The following CD99L2 variants were observed in gnomAD, a reference collection of about 807,000 sequenced individuals.
The protein encoded by CD99L2 is CD99 antigen-like protein 2.
CD99L2 carries 24 observed loss-of-function variants against 27.3 expected under a neutral mutation model. That is an observed-to-expected ratio of 0.88 (90% CI 0.64 to 1.24). The LOEUF (loss-of-function observed/expected upper bound fraction) is 1.24. Ranked by LOEUF, CD99L2 falls within the 50% of genes most tolerant of loss-of-function variation. The probability of loss-of-function intolerance (pLI) is 0.00; values close to 1 mark genes in which losing one functional copy is unlikely to be tolerated. For missense variants in CD99L2, 255 were observed against 221.6 expected (o/e 1.15, Z -0.96); for synonymous variants, 97 against 87.9 (o/e 1.10, Z -0.58).
intron 1 of CD99L2, among the ~76,000 whole-genome samples, chrX:150,854,303 C>T (rs1172374022): frequency 8.9e-6 from 1 of 111,923 alleles, no homozygotes; most frequent in Non-Finnish European, 1.9e-5. Flanking sequence ...TACCTGCCTA[C>T]TCTGTCTGCC....
At chrX:150,783,479 A>G (rs2045547508) in intron 7 of CD99L2, among the ~76,000 whole-genome samples, 1 of 111,374 alleles carries the variant, frequency 9.0e-6, no homozygotes, top group African/African-American at 3.3e-5. Flanking sequence ...TCTGTATGCA[A>G]CCCAGACACA....
At chrX:150,801,769 C>T (rs2045911057) in intron 4 of CD99L2, among the ~76,000 whole-genome samples, 1 of 112,132 alleles carries the variant, frequency 8.9e-6, no homozygotes, top group African/African-American at 3.2e-5. Flanking sequence ...TGGATCAATA[C>T]TTGAAAATCA....
At chrX:150,837,528 G>A (rs1007097906) in intron 1 of CD99L2, among the ~76,000 whole-genome samples, 4 of 112,063 alleles carry the variant, frequency 3.6e-5, no homozygotes, top group African/African-American at 9.7e-5. Flanking sequence ...GATTACAGGC[G>A]TGAGCCACTG....
Position 150,778,695 on chromosome X carries a change from T to A in CD99L2, c.497-1213A>T, listed in dbSNP as rs1304884681. ...TAATAAAAAAAAAAAAATATATATATATATATATATATATAAATAAAAGAT... is the reference window on the plus strand; with the variant it reads ...TAATAAAAAAAAAAAAATATATATAAATATATATATATATAAATAAAAGAT... On this transcript the variant is annotated intron_variant, in intron 7 of 10. Transcript: ENST00000370377. 2.5e-3 allele frequency among the ~76,000 whole-genome samples: 253 copies of A among 101,598 alleles called. 1 individual carries two copies. Among genetic ancestry groups the A allele is most frequent in the African/African-American group, 3.1e-3 (86 of 28,102 alleles). 88.2% of individuals were successfully genotyped at this position (101,598 alleles called of 115,157 possible).
chrX:150,769,078 G>C lies in CD99L2; in HGVS notation c.745C>G (p.Gln249Glu). Residue 249 changes from glutamine (Q) to glutamate (E), a missense_variant, in exon 11 of 11, where the codon CAG (glutamine) becomes GAG (glutamate). Gln to Glu is a conservative substitution (Grantham distance 29, BLOSUM62 2). Coordinates refer to ENST00000370377, the MANE Select transcript of CD99L2 (RefSeq NM_031462.4). ...GGCGGCGGCGGCGGCTCTGCAGACT[G>C]CGTGTGCAACGTGGAGTATTTCACT... ...PQVKYSTLHT[Q>E]SAEPPPPPEP... 8.6e-7 allele frequency: 1 copy of C among 1,166,354 alleles called. No homozygotes were observed. Among genetic ancestry groups the C allele is most frequent in the Non-Finnish European group, 1.1e-6 (1 of 879,089 alleles).
In CD99L2 at chrX:150,769,030, G is replaced by A. The variant is rs1557418836; in HGVS notation, c.*4C>T. On this transcript the variant is annotated 3_prime_UTR_variant, in exon 11 of 11. Coordinates refer to ENST00000370377, the MANE Select transcript of CD99L2 (RefSeq NM_031462.4). ...TTGTGCATGCCTGCAGCTGGACAGG[G>A]CCCTCAGATCCGGGCTGGTTCGGGC... is the stretch of plus-strand genomic sequence containing the variant. 8.7e-7 allele frequency: 1 copy of A among 1,147,678 alleles called. No homozygotes were observed. 94.6% of individuals were successfully genotyped at this position (1,147,678 alleles called of 1,213,427 possible). A position where few individuals can be genotyped will look rare whatever the true frequency, so the allele number is the denominator to read the frequency against.
chrX:150,850,772 G>A (rs1207670894), intron 1 of CD99L2, among the ~76,000 whole-genome samples: 5 of 111,985 alleles, frequency 4.5e-5, no homozygotes, highest in Non-Finnish European at 7.5e-5. Context: ...GAAGTGAGGT[G>A]TTTCTTGTAT....
At chrX:150,769,368 GGT>G (rs2043372929) in intron 10 of CD99L2, among the ~76,000 whole-genome samples, 3 of 112,405 alleles carry the variant, frequency 2.7e-5, no homozygotes, top group Non-Finnish European at 5.6e-5. Context: ...CTGCTGGAAG[GGT>G]TATTTTAAAC....
intron 7 of CD99L2, among the ~76,000 whole-genome samples, chrX:150,782,459 C>T (rs1240439679): frequency 9.0e-6 from 1 of 111,206 alleles, no homozygotes; most frequent in Non-Finnish European, 1.9e-5. Context: ...AATGGGTATC[C>T]CCTTCCAATC....
chrX:150,821,495 T>C (rs1264668716), intron 2 of CD99L2, among the ~76,000 whole-genome samples: 1 of 111,826 alleles, frequency 8.9e-6, no homozygotes, highest in Non-Finnish European at 1.9e-5. Context: ...TCTCACCATA[T>C]ACAAAAATTA....
chrX:150,857,971 T>C (rs1557421807), intron 1 of CD99L2, among the ~76,000 whole-genome samples: 3 of 112,013 alleles, frequency 2.7e-5, no homozygotes, highest in African/African-American at 9.7e-5. Flanking sequence ...AAGATACATA[T>C]AGACTGAAAG....
intron 4 of CD99L2, among the ~76,000 whole-genome samples, chrX:150,799,346 A>C (rs782296007): frequency 3.1e-4 from 33 of 107,937 alleles, no homozygotes; most frequent in Admixed American, 5.9e-4. Context: ...AAAAAAAAAA[A>C]AACAACAACA....
chrX:150,820,630 T>C, intron 2 of CD99L2, among the ~76,000 whole-genome samples: 1 of 111,841 alleles, frequency 8.9e-6, no homozygotes, highest in African/African-American at 3.2e-5. Context: ...ATGTCCACTC[T>C]TACCACTCTT....
At chrX:150,816,163 G>C (rs1374520181) in intron 2 of CD99L2, 85 bp from the exon 3 acceptor site, 28 of 922,748 alleles carry the variant, frequency 3.0e-5, no homozygotes, top group Non-Finnish European at 4.2e-5. Flanking sequence ...AAGTCACATT[G>C]TGAGTAGAAT....
At chrX:150,824,634 A>AAGG (rs1412376293) in intron 2 of CD99L2, among the ~76,000 whole-genome samples, 9 of 89,964 alleles carry the variant, frequency 1.0e-4, no homozygotes, top group Admixed American at 3.7e-4. Flanking sequence ...GGAGGAGAAG[A>AAGG]AGGAGGAGAA....
intron 1 of CD99L2, among the ~76,000 whole-genome samples, chrX:150,854,072 A>G (rs925112416): frequency 1.8e-5 from 2 of 110,965 alleles, no homozygotes; most frequent in Non-Finnish European, 3.8e-5. Flanking sequence ...ACCAGGTGTA[A>G]TATCATCAGC....
At chrX:150,794,050 A>C (rs1557419814) in intron 6 of CD99L2, among the ~76,000 whole-genome samples, 1 of 111,502 alleles carries the variant, frequency 9.0e-6, no homozygotes, top group East Asian at 2.8e-4. Context: ...TTAAGGTACC[A>C]AATCAATTTG....
At chrX:150,882,629 T>G (rs1017336377) in intron 1 of CD99L2, among the ~76,000 whole-genome samples, 2 of 110,133 alleles carry the variant, frequency 1.8e-5, no homozygotes, top group Non-Finnish European at 3.8e-5. Context: ...CAGCCAAGAC[T>G]ATGGCACTGC....
chrX:150,885,753 G>T (rs1603320546), intron 1 of CD99L2, among the ~76,000 whole-genome samples: 1 of 112,249 alleles, frequency 8.9e-6, no homozygotes, highest in Non-Finnish European at 1.9e-5. Flanking sequence ...TACTAATGAG[G>T]CTGATCATCT....
Sources: gnomAD v4.1 joint callset for allele counts (sites outside exome capture counted in the v4.1 genomes callset) on GRCh38, gnomAD v4.1.1 for gene constraint, MANE v1.5 for transcripts, NCBI Gene and HGNC (gene_info 2026-07-23, HGNC 2026-07-21) for gene names.